KPNA6: variants seen among roughly 807,000 people sequenced by gnomAD.
KPNA6 encodes the protein importin subunit alpha-7.
A neutral mutation model predicts 72.0 loss-of-function variants in KPNA6; 9 were observed. The observed-to-expected ratio is 0.13, with a 90% CI of 0.08 to 0.22. The LOEUF (loss-of-function observed/expected upper bound fraction) is 0.22, where lower values mean the gene tolerates loss of function less well. KPNA6 is among the 10% of genes least tolerant of loss of function. The pLI, the probability that KPNA6 is intolerant of heterozygous loss-of-function variation, is 1.00. For missense variants in KPNA6, 374 were observed against 655.7 expected (o/e 0.57, Z 4.69); for synonymous variants, 219 against 242.1 (o/e 0.90, Z 0.89).
intron 10 of KPNA6, among the ~76,000 whole-genome samples, chr1:32,164,354 T>C (rs1642293168): frequency 6.6e-6 from 1 of 152,224 alleles, no homozygotes. Flanking sequence ...GCTATGAACA[T>C]TGGTGTACAA....
chr1:32,145,452 G>A (rs894960185), intron 1 of KPNA6, among the ~76,000 whole-genome samples: 7 of 151,574 alleles, frequency 4.6e-5, no homozygotes, highest in Admixed American at 1.3e-4. Flanking sequence ...AGCCTCCTGA[G>A]TAGCTGTGAT....
chr1:32,132,274 T>C (rs1012867462), intron 1 of KPNA6, among the ~76,000 whole-genome samples: 4 of 151,524 alleles, frequency 2.6e-5, no homozygotes, highest in Admixed American at 1.3e-4. Context: ...CCCGGCCCAG[T>C]GGTGTCTTTT....
intron 1 of KPNA6, among the ~76,000 whole-genome samples, chr1:32,110,056 A>AT (rs750004100): frequency 0.038 from 4,493 of 118,268 alleles, 222 homozygotes; most frequent in Admixed American, 0.086. Context: ...CTGGAATTGA[A>AT]TTTTTTTTTT....
chr1:32,137,059 A>G (rs1441495856), intron 1 of KPNA6, among the ~76,000 whole-genome samples: 1 of 152,208 alleles, frequency 6.6e-6, no homozygotes, highest in Non-Finnish European at 1.5e-5. Flanking sequence ...AATGAAAATT[A>G]TGTAAGTGCT....
At chr1:32,170,121 A>T in intron 13 of KPNA6, 61 bp downstream of exon 13, 1 of 1,458,986 alleles carries the variant, frequency 6.9e-7, no homozygotes, top group Non-Finnish European at 9.5e-7. Flanking sequence ...AACGTGGTAT[A>T]CATATGTTGG....
In KPNA6 at chr1:32,170,801, C is replaced by T. The variant is rs537153451; in HGVS notation, c.1518C>T (p.Asp506=). ...TTGAGCACTACTTTGGTGTAGAAGA[C>T]GATGATAGCAGCCTGGCTCCCCAAG... ...DLIEHYFGVE[D]DDSSLAPQVD... Residue 506 remains aspartate (D), a synonymous_variant, in exon 14 of 14, where the codon GAC becomes GAT. Transcript: ENST00000373625. 16 of 1,614,144 alleles carry T rather than the reference C, an allele frequency of 9.9e-6. No individual in the cohort carries two copies. Among genetic ancestry groups the T allele is most frequent in the African/African-American group, 6.7e-5 (5 of 75,046 alleles).
Position 32,166,244 on chromosome 1 carries a change from G to A in KPNA6, c.1116+14G>A, listed in dbSNP as rs2124090381. On this transcript the variant is annotated intron_variant, in intron 11 of 13. Coordinates refer to ENST00000373625, the MANE Select transcript of KPNA6 (RefSeq NM_012316.5). Reference sequence around the variant, plus strand: ...GCTCAAATACAGGTAAAACAGGCAGGGAAGTCAAGGGGCATGGGAAGTCAT... The same window carrying A: ...GCTCAAATACAGGTAAAACAGGCAGAGAAGTCAAGGGGCATGGGAAGTCAT... 2 of 1,608,562 alleles carry A rather than the reference G, an allele frequency of 1.2e-6. No homozygotes were observed. The highest frequency in any genetic ancestry group is 1.3e-5 in the African/African-American group (1 of 74,654).
At chr1:32,136,619 G>A (rs887723702) in intron 1 of KPNA6, among the ~76,000 whole-genome samples, 2 of 152,152 alleles carry the variant, frequency 1.3e-5, no homozygotes, top group African/African-American at 4.8e-5. Context: ...TATTATCACT[G>A]GTAGTACTCA....
chr1:32,122,871 C>G (rs535572405), intron 1 of KPNA6, among the ~76,000 whole-genome samples: 1 of 150,598 alleles, frequency 6.6e-6, no homozygotes, highest in South Asian at 2.1e-4. Flanking sequence ...GTAGGACAGT[C>G]GCTTGAACCT....
rs113979093 is a variant in KPNA6 at position 32,123,773 on chromosome 1, C to T, written c.4+15639C>T. Among the ~76,000 whole-genome samples the T allele has an allele frequency of 2.1e-4, 31 of 146,446 alleles. 1 individual carries two copies. The highest frequency in any genetic ancestry group is 7.3e-4 in the African/African-American group (29 of 39,608). ...AAAAAAAAAAAGGCCAAGTGGCTCA[C>T]GCCTGTAATCCCAGCACTCTGGGAG... On this transcript the variant is annotated intron_variant, in intron 1 of 13. Coordinates refer to ENST00000373625, the MANE Select transcript of KPNA6 (RefSeq NM_012316.5).
intron 1 of KPNA6, among the ~76,000 whole-genome samples, chr1:32,129,841 G>A (rs544475794): frequency 1.3e-5 from 2 of 152,228 alleles, no homozygotes; most frequent in African/African-American, 2.4e-5. Context: ...CAAACGTGGT[G>A]GAATTGAGAA....
chr1:32,173,346 T>C lies in KPNA6; in HGVS notation c.*2452T>C. 2.7e-6 allele frequency: 1 copy of C among 371,832 alleles called. No individual in the cohort carries two copies. Among genetic ancestry groups the C allele is most frequent in the Non-Finnish European group, 4.8e-6 (1 of 209,850 alleles). 23.0% of individuals were successfully genotyped at this position (371,832 alleles called of 1,614,324 possible). ...CACATCCTGCTTGTCCAGCTGTTCC[T>C]CCAAAATCTACTTTGGCTTCAGCTC... On this transcript the variant is annotated 3_prime_UTR_variant, in exon 14 of 14. Coordinates refer to ENST00000373625, the MANE Select transcript of KPNA6 (RefSeq NM_012316.5).
In KPNA6 at chr1:32,165,554, A is replaced by G. The variant is rs201956029; in HGVS notation, c.991-551A>G. On this transcript the variant is annotated intron_variant, in intron 10 of 13. Coordinates refer to ENST00000373625, the MANE Select transcript of KPNA6 (RefSeq NM_012316.5). ...AAAAAAAATGTTTTTTAATTAGCAG[A>G]GTGCGGTGGCACCCTGCTACTCAGG... 2.0e-5 allele frequency among the ~76,000 whole-genome samples: 3 copies of G among 152,150 alleles called. No individual in the cohort carries two copies. In the East Asian group the frequency reaches 5.8e-4, roughly 29 times the overall value.
chr1:32,173,222 T>A lies in KPNA6; in HGVS notation c.*2328T>A. ...CTTCCCCTACCCAACCTCCGCCCAT[T>A]GTTCTCTTCCAAAGGGCAATTTAGT... On this transcript the variant is annotated 3_prime_UTR_variant, in exon 14 of 14. Coordinates refer to ENST00000373625, the MANE Select transcript of KPNA6 (RefSeq NM_012316.5). 1 of 389,678 alleles carries A rather than the reference T, an allele frequency of 2.6e-6. No individual in the cohort carries two copies. The highest frequency in any genetic ancestry group is 4.5e-6 in the Non-Finnish European group (1 of 222,786). 24.1% of individuals were successfully genotyped at this position (389,678 alleles called of 1,614,324 possible). A position where few individuals can be genotyped will look rare whatever the true frequency, so the allele number is the denominator to read the frequency against.
At position 32,108,070 on chromosome 1, in the gene KPNA6, A is replaced by G; in HGVS notation, c.-61A>G. On this transcript the variant is annotated 5_prime_UTR_variant, in exon 1 of 14. Transcript: ENST00000373625. ...ACAGATCCGCCATATTGTCTACTGA[A>G]AGCTGCCGCTGAAGCTGCCGCCGTT... 1 of 1,613,336 alleles carries G rather than the reference A, an allele frequency of 6.2e-7. No homozygotes were observed. Among genetic ancestry groups the G allele is most frequent in the Non-Finnish European group, 8.5e-7 (1 of 1,179,534 alleles).
rs960270047 is a variant in KPNA6 at position 32,154,146 on chromosome 1, C to CA, written c.5-430dup. ...TGGGTGACAGAGTGAGACCCTGTCT[C>CA]AAAAAAAAAAAACAGCATTTCTCAA... is the stretch of plus-strand genomic sequence containing the variant. On this transcript the variant is annotated intron_variant, in intron 1 of 13. Transcript: ENST00000373625. Among the ~76,000 whole-genome samples the CA allele has an allele frequency of 2.5e-3, 337 of 135,570 alleles. 1 individual carries two copies. The highest frequency in any genetic ancestry group is 4.5e-3 in the Admixed American group (61 of 13,428). 88.9% of individuals were successfully genotyped at this position (135,570 alleles called of 152,430 possible). A position where few individuals can be genotyped will look rare whatever the true frequency, so the allele number is the denominator to read the frequency against.
chr1:32,163,857 T>C (rs1442332159), intron 10 of KPNA6, among the ~76,000 whole-genome samples: 1 of 152,206 alleles, frequency 6.6e-6, no homozygotes, highest in Non-Finnish European at 1.5e-5. Context: ...GTAGTGTCAC[T>C]CAAACACTCA....
chr1:32,139,768 T>A (rs1021753894), intron 1 of KPNA6, among the ~76,000 whole-genome samples: 2 of 152,150 alleles, frequency 1.3e-5, no homozygotes, highest in Admixed American at 1.3e-4. Flanking sequence ...CATACTGAAA[T>A]GTGGATGAAG....
intron 1 of KPNA6, among the ~76,000 whole-genome samples, chr1:32,140,889 C>T (rs1276820306): frequency 1.3e-5 from 2 of 152,162 alleles, no homozygotes; most frequent in Non-Finnish European, 2.9e-5. Context: ...TTGATGTTTT[C>T]TTATGGCATC....
Sources: gnomAD v4.1 joint callset for allele counts (sites outside exome capture counted in the v4.1 genomes callset) on GRCh38, gnomAD v4.1.1 for gene constraint, MANE v1.5 for transcripts, NCBI Gene and HGNC (gene_info 2026-07-23, HGNC 2026-07-21) for gene names.